The following MILR1 variants were observed in gnomAD, a reference collection of about 807,000 sequenced individuals.
MILR1 encodes mast cell immunoglobulin like receptor 1.
A neutral mutation model predicts 18.5 loss-of-function variants in MILR1; 31 were observed. The ratio of observed to expected loss-of-function variants is 1.68; its 90% CI spans 1.26 to 2.26. The LOEUF (loss-of-function observed/expected upper bound fraction) is 2.26, where lower values mean the gene tolerates loss of function less well. Ranked by LOEUF, MILR1 falls within the 30% of genes most tolerant of loss-of-function variation. The pLI, the probability that MILR1 is intolerant of heterozygous loss-of-function variation, is 0.00. For missense variants in MILR1, 257 were observed against 157.4 expected (o/e 1.63, Z -3.38); for synonymous variants, 85 against 56.2 (o/e 1.51, Z -2.30).
At chr17:64,455,462 A>T (rs917761430) in intron 3 of MILR1, among the ~76,000 whole-genome samples, 12 of 150,264 alleles carry the variant, frequency 8.0e-5, no homozygotes, top group African/African-American at 1.5e-4. Flanking sequence ...TCAAAAAAAA[A>T]TTTTTTTTTT....
rs974125112 is a variant in MILR1, at chr17:64,457,384, A to G, written c.368-16A>G. The G allele has an allele frequency of 6.4e-4, 305 of 474,034 alleles. 2 individuals are homozygous for G. Among genetic ancestry groups the G allele is most frequent in the African/African-American group, 5.6e-3 (282 of 50,574 alleles). The allele number at this position is 474,034 out of a possible 1,614,324, so 29.4% of individuals were successfully genotyped here. A position where few individuals can be genotyped will look rare whatever the true frequency, so the allele number is the denominator to read the frequency against. On this transcript the variant is annotated splice_polypyrimidine_tract_variant and intron_variant, in intron 3 of 9. Coordinates refer to ENST00000619286, the MANE Select transcript of MILR1 (RefSeq NM_001085423.2). ...CAGTCTGTTTATCCTTTTCATGTTCACTTTCATTCTTCCAGACCCGGTGAC... is the reference window on the plus strand; with the variant it reads ...CAGTCTGTTTATCCTTTTCATGTTCGCTTTCATTCTTCCAGACCCGGTGAC...
the MILR1 span, chr17:64,493,085 T>A: frequency 2.0e-6 from 3 of 1,524,412 alleles, no homozygotes; most frequent in East Asian, 4.5e-5. Flanking sequence ...TTTTTGTCAA[T>A]AGACACATTA....
intron 2 of MILR1, among the ~76,000 whole-genome samples, chr17:64,449,684 G>A (rs1317324467): frequency 5.3e-5 from 8 of 152,084 alleles, no homozygotes; most frequent in Admixed American, 2.0e-4. Flanking sequence ...GCCTGTAATC[G>A]CAGCACTTTG....
At chr17:64,497,027 C>G in the MILR1 span, 3 of 1,512,358 alleles carry the variant, frequency 2.0e-6, no homozygotes, top group Non-Finnish European at 2.7e-6. Flanking sequence ...AACAAGCCAC[C>G]ACTACCGTTA....
the MILR1 span, among the ~76,000 whole-genome samples, chr17:64,489,749 C>G: frequency 1.5e-4 from 22 of 148,760 alleles, no homozygotes; most frequent in African/African-American, 5.3e-4. Context: ...AGAGTGAGAT[C>G]CTGTCTCAAA....
chr17:64,475,977 C>A, the MILR1 span, among the ~76,000 whole-genome samples: 27,965 of 151,482 alleles, frequency 0.18, 6,563 homozygotes, highest in African/African-American at 0.56. Flanking sequence ...CCACGCCCAG[C>A]TAATTTTTTG....
the MILR1 span, chr17:64,491,014 A>T: frequency 3.1e-6 from 4 of 1,310,564 alleles, no homozygotes; most frequent in Non-Finnish European, 4.4e-6. Context: ...TTAAATAAAC[A>T]CTAATTTAAC....
intron 5 of MILR1, among the ~76,000 whole-genome samples, chr17:64,464,590 A>T (rs2037507521): frequency 6.6e-6 from 1 of 151,602 alleles, no homozygotes; most frequent in Non-Finnish European, 1.5e-5. Context: ...TAAAAAGTCC[A>T]GGTTCTTGCA....
At chr17:64,479,360 T>G in the MILR1 span, among the ~76,000 whole-genome samples, 9,698 of 151,992 alleles carry the variant, frequency 0.064, 437 homozygotes, top group Admixed American at 0.15. Context: ...ATTTTTTGTA[T>G]TTTTAGTAGA....
At chr17:64,469,470 T>C (rs1438920085), downstream of MILR1, among the ~76,000 whole-genome samples, 2 of 152,176 alleles carry the variant, frequency 1.3e-5, no homozygotes, top group Admixed American at 6.5e-5. Context: ...CGACCTTGGC[T>C]CACTGCAACC....
At chr17:64,478,115 CA>C in the MILR1 span, 19 of 827,440 alleles carry the variant, frequency 2.3e-5, no homozygotes, top group South Asian at 9.9e-5. Flanking sequence ...AAGGGTGGAC[CA>C]AAAAAACCCA....
chr17:64,488,653 GTTTCA>G, the MILR1 span, among the ~76,000 whole-genome samples: 2 of 152,158 alleles, frequency 1.3e-5, no homozygotes, highest in African/African-American at 4.8e-5. Flanking sequence ...TAACCAATAA[GTTTCA>G]TTTGAGAGCT....
chr17:64,481,297 A>G, the MILR1 span: 3 of 985,356 alleles, frequency 3.0e-6, no homozygotes, highest in South Asian at 1.4e-4. Flanking sequence ...CTTTGAGCTC[A>G]CTATCTCCCA....
At chr17:64,467,467 G>T in intron 8 of MILR1, 98 bp from the exon 9 acceptor site, 1 of 703,928 alleles carries the variant, frequency 1.4e-6, no homozygotes, top group South Asian at 1.7e-5. Context: ...GTTAATACCT[G>T]GTTCTGTCAG....
At chr17:64,470,087 A>G (rs2037664356), downstream of MILR1, among the ~76,000 whole-genome samples, 1 of 152,090 alleles carries the variant, frequency 6.6e-6, no homozygotes, top group Non-Finnish European at 1.5e-5. Flanking sequence ...GCACAATAAT[A>G]TGAGTTTTGT....
the MILR1 span, among the ~76,000 whole-genome samples, chr17:64,481,800 G>A: frequency 1.3e-3 from 198 of 152,034 alleles, 4 homozygotes; most frequent in East Asian, 8.8e-3. Context: ...GCTTGAACCT[G>A]GGAGGCAGAG....
chr17:64,452,552 C>A (rs952615971), intron 2 of MILR1, 45 bp from the exon 3 acceptor site: 8 of 412,566 alleles, frequency 1.9e-5, no homozygotes, highest in Non-Finnish European at 3.1e-5. Context: ...CTTGCCCGGC[C>A]AGGATCTTAA....
chr17:64,468,951 G>A (rs1192334270), downstream of MILR1, among the ~76,000 whole-genome samples: 3 of 152,024 alleles, frequency 2.0e-5, no homozygotes, highest in Non-Finnish European at 2.9e-5. Context: ...GCTGGGCACA[G>A]TGGCGGGCAC....
intron 4 of MILR1, among the ~76,000 whole-genome samples, chr17:64,458,672 G>T (rs2037356802): frequency 6.6e-6 from 1 of 151,966 alleles, no homozygotes; most frequent in South Asian, 2.1e-4. Flanking sequence ...GTACCTCCAG[G>T]CTATGCACCT....
Sources: allele counts gnomAD v4.1 joint callset (sites outside exome capture counted in the v4.1 genomes callset), GRCh38; gene constraint gnomAD v4.1.1; transcripts MANE v1.5; gene names NCBI Gene and HGNC (gene_info 2026-07-23, HGNC 2026-07-21).